The following NLK variants were observed in gnomAD, a reference collection of about 807,000 sequenced individuals.
NLK encodes the protein serine/threonine-protein kinase NLK.
A neutral mutation model predicts 59.0 loss-of-function variants in NLK; 11 were observed. That is an observed-to-expected ratio of 0.19 (90% CI 0.12 to 0.31). NLK has a LOEUF of 0.31. Ranked by LOEUF, NLK falls within the 10% of genes least tolerant of loss-of-function variation. The pLI is 1.00. For missense variants in NLK, 410 were observed against 661.1 expected (o/e 0.62, Z 4.16); for synonymous variants, 235 against 235.9 (o/e 1.00, Z 0.03).
At chr17:28,113,713 A>T (rs1433427487) in intron 1 of NLK, among the ~76,000 whole-genome samples, 3 of 151,998 alleles carry the variant, frequency 2.0e-5, no homozygotes, top group Non-Finnish European at 2.9e-5. Context: ...CTCCTATCTC[A>T]TCCTGTGACT....
chr17:28,050,039 A>G (rs976401508), intron 1 of NLK, among the ~76,000 whole-genome samples: 2 of 152,200 alleles, frequency 1.3e-5, no homozygotes, highest in African/African-American at 4.8e-5. Flanking sequence ...GTATGTTACT[A>G]TTTGCCAGGC....
intron 1 of NLK, among the ~76,000 whole-genome samples, chr17:28,109,516 C>T (rs1677941060): frequency 6.6e-6 from 1 of 152,202 alleles, no homozygotes; most frequent in Non-Finnish European, 1.5e-5. Flanking sequence ...AAGACTTGCT[C>T]ATTAATAGTA....
At chr17:28,175,761 T>A (rs1349886707) in intron 7 of NLK, among the ~76,000 whole-genome samples, 1 of 152,198 alleles carries the variant, frequency 6.6e-6, no homozygotes, top group African/African-American at 2.4e-5. Flanking sequence ...ATATTAACCA[T>A]TAAAGTTATG....
intron 7 of NLK, among the ~76,000 whole-genome samples, chr17:28,173,482 TTC>T (rs2142058767): frequency 6.6e-6 from 1 of 152,292 alleles, no homozygotes; most frequent in South Asian, 2.1e-4. Context: ...CCCTTTGCGG[TTC>T]TCTCTTTGTA....
intron 1 of NLK, among the ~76,000 whole-genome samples, chr17:28,111,981 C>T (rs1434014473): frequency 1.4e-5 from 2 of 140,832 alleles, no homozygotes; most frequent in Non-Finnish European, 3.0e-5. Context: ...TCAAATATGC[C>T]CAGCTTTTAT....
At chr17:28,202,653 T>C in the NLK span, among the ~76,000 whole-genome samples, 1 of 152,006 alleles carries the variant, frequency 6.6e-6, no homozygotes, top group Non-Finnish European at 1.5e-5. Flanking sequence ...GAAGAGATTG[T>C]GTAAAATCAG....
intron 3 of NLK, among the ~76,000 whole-genome samples, chr17:28,157,344 C>T (rs776337227): frequency 3.9e-5 from 6 of 152,118 alleles, no homozygotes; most frequent in Admixed American, 6.6e-5. Context: ...GCACATGCCA[C>T]CACACCCAGC....
chr17:28,177,957 A>T (rs1908751057), intron 7 of NLK, among the ~76,000 whole-genome samples: 1 of 152,176 alleles, frequency 6.6e-6, no homozygotes, highest in Non-Finnish European at 1.5e-5. Context: ...TATTCAAAGC[A>T]AGAAAATGGA....
chr17:28,157,304 G>A (rs1309358738), intron 3 of NLK, among the ~76,000 whole-genome samples: 1 of 152,030 alleles, frequency 6.6e-6, no homozygotes, highest in African/African-American at 2.4e-5. Flanking sequence ...TTGTTCTCCT[G>A]CCTCAGCCTC....
intron 8 of NLK, among the ~76,000 whole-genome samples, chr17:28,187,721 G>C (rs1909169881): frequency 6.6e-6 from 1 of 152,150 alleles, no homozygotes; most frequent in African/African-American, 2.4e-5. Context: ...GAGGTCTTTT[G>C]TACACAAGTT....
At chr17:28,176,101 G>T (rs1050205388) in intron 7 of NLK, among the ~76,000 whole-genome samples, 4 of 152,128 alleles carry the variant, frequency 2.6e-5, no homozygotes, top group African/African-American at 9.7e-5. Context: ...AAATAAAAAT[G>T]TGTGCACACA....
chr17:28,065,662 T>C (rs1909800621), intron 1 of NLK, among the ~76,000 whole-genome samples: 1 of 152,184 alleles, frequency 6.6e-6, no homozygotes, highest in East Asian at 1.9e-4. Flanking sequence ...GTAGTCTAGG[T>C]GAATGTTCCT....
At chr17:28,046,551 A>T (rs1461870389) in intron 1 of NLK, among the ~76,000 whole-genome samples, 1 of 152,230 alleles carries the variant, frequency 6.6e-6, no homozygotes, top group African/African-American at 2.4e-5. Context: ...ATAATGCAAA[A>T]ACAAAACACA....
rs891606251 is a variant in NLK, at chr17:28,194,905, A to T, written c.*269A>T. ...TGCAGCTGTTATGGCTCACCTCAGA[A>T]CAAAAGAGAATTGAACCAAATTTGG... On this transcript the variant is annotated 3_prime_UTR_variant, in exon 11 of 11. Transcript: ENST00000407008. 1.2e-5 allele frequency: 4 copies of T among 326,014 alleles called. No homozygotes were observed. Among genetic ancestry groups the T allele is most frequent in the African/African-American group, 8.5e-5 (4 of 46,926 alleles). 20.2% of individuals were successfully genotyped at this position (326,014 alleles called of 1,614,324 possible).
At chr17:28,128,452 TGA>T (rs1388244874) in intron 2 of NLK, among the ~76,000 whole-genome samples, 2 of 152,180 alleles carry the variant, frequency 1.3e-5, no homozygotes, top group Non-Finnish European at 2.9e-5. Context: ...TTTTTCAGAC[TGA>T]GTTATATATC....
At chr17:28,080,029 A>G (rs1260203598) in intron 1 of NLK, among the ~76,000 whole-genome samples, 1 of 152,058 alleles carries the variant, frequency 6.6e-6, no homozygotes, top group Non-Finnish European at 1.5e-5. Context: ...ATTCTTTTCC[A>G]TGTGGCTATC....
rs1909430964 is a variant in NLK, at chr17:28,194,931, G to A, written c.*295G>A. 1 of 280,798 alleles carries A rather than the reference G, an allele frequency of 3.6e-6. No homozygotes were observed. The allele number at this position is 280,798 out of a possible 1,614,324, so 17.4% of individuals were successfully genotyped here. ...CAAAAGAGAATTGAACCAAATTTGGGAGTTTGGGGTTTTATGTTTTGTTTT... is the reference window on the plus strand; with the variant it reads ...CAAAAGAGAATTGAACCAAATTTGGAAGTTTGGGGTTTTATGTTTTGTTTT... On this transcript the variant is annotated 3_prime_UTR_variant, in exon 11 of 11. Transcript: ENST00000407008.
chr17:28,198,813 T>C (rs1159201851), downstream of NLK, among the ~76,000 whole-genome samples: 1 of 152,234 alleles, frequency 6.6e-6, no homozygotes. Context: ...GTTTTGCTTA[T>C]AGAGACCTCA....
intron 9 of NLK, 100 bp from the exon 10 acceptor site, chr17:28,192,020 T>C (rs1909322892): frequency 3.2e-6 from 2 of 633,084 alleles, no homozygotes; most frequent in Non-Finnish European, 5.7e-6. Context: ...ACTAAACCAG[T>C]AGGCAGTGCT....
Sources: gnomAD v4.1 joint callset for allele counts (sites outside exome capture counted in the v4.1 genomes callset) on GRCh38, gnomAD v4.1.1 for gene constraint, MANE v1.5 for transcripts, NCBI Gene and HGNC (gene_info 2026-07-23, HGNC 2026-07-21) for gene names.